Variants in PTPRC observed in about 807,000 individuals in gnomAD.
The protein encoded by PTPRC is receptor-type tyrosine-protein phosphatase C.
A neutral mutation model predicts 155.9 loss-of-function variants in PTPRC; 44 were observed. That is an observed-to-expected ratio of 0.28 (90% CI 0.22 to 0.36). The LOEUF is 0.36. Ranked by LOEUF, PTPRC falls within the 10% of genes least tolerant of loss-of-function variation. The pLI, the probability that PTPRC is intolerant of heterozygous loss-of-function variation, is 1.00. For synonymous variants in PTPRC, 525 were observed against 533.1 expected (o/e 0.98, Z 0.21); for missense variants, 1,401 against 1,564.6 (o/e 0.90, Z 1.76).
At chr1:198,713,717 T>C (rs897658089) in intron 12 of PTPRC, among the ~76,000 whole-genome samples, 1 of 152,230 alleles carries the variant, frequency 6.6e-6, no homozygotes, top group East Asian at 1.9e-4. Context: ...AAATTGTTTG[T>C]AGAAAGTAAC....
At position 198,732,301 on chromosome 1, in the gene PTPRC, G is replaced by A. The variant is rs955667806; in HGVS notation, c.1976G>A (p.Ser659Asn). ...CCAAGAAATCGTTGTTTCTTTCAGA[G>A]CATCCCGCGGGTGTTCAGCAAGTTT... ...EGRLFLAEFQSIPRVFSKFPI... is the reference protein window; with the variant it reads ...EGRLFLAEFQNIPRVFSKFPI... The change falls in exon 19 of 33, where the codon AGC becomes AAC. Residue 659 changes from serine to asparagine, a missense_variant and splice_region_variant. Physicochemically the swap from Ser to Asn is conservative, Grantham distance 46. Around this residue, in one of 3 missense-constraint regions of PTPRC, gnomAD observed 867 missense variants for 970.4 expected, o/e 0.89. Coordinates refer to ENST00000442510, the MANE Select transcript of PTPRC (RefSeq NM_002838.5). 2 of 1,611,276 alleles carry A rather than the reference G, an allele frequency of 1.2e-6. No homozygotes were observed. The highest frequency in any genetic ancestry group is 3.3e-5 in the Admixed American group (2 of 59,760).
chr1:198,707,552 A>T (rs1653050534), intron 9 of PTPRC, among the ~76,000 whole-genome samples: 2 of 152,154 alleles, frequency 1.3e-5, no homozygotes, highest in African/African-American at 4.8e-5. Context: ...TTAAAAAGTC[A>T]TATCATTTAA....
At position 198,696,693 on chromosome 1, in the gene PTPRC, A is replaced by AT. The variant is rs764105488; in HGVS notation, c.101-15dup. On this transcript the variant is annotated intron_variant, in intron 3 of 32. Coordinates refer to ENST00000442510, the MANE Select transcript of PTPRC (RefSeq NM_002838.5). ...CACATATTTATTTTGTCCTTCTCCC[A>AT]TTTTCCATTAATTAACAGGATTGAC... 58 of 1,603,222 alleles carry AT rather than the reference A, an allele frequency of 3.6e-5. No homozygotes were observed. The highest frequency in any genetic ancestry group is 4.5e-5 in the Non-Finnish European group (53 of 1,170,276).
At chr1:198,743,377 TA>T (rs1262329306) in intron 25 of PTPRC, among the ~76,000 whole-genome samples, 1 of 151,646 alleles carries the variant, frequency 6.6e-6, no homozygotes, top group Non-Finnish European at 1.5e-5. Context: ...TGTAGAAACA[TA>T]AAAACAAATT....
In PTPRC at chr1:198,740,068, C is replaced by A. The variant is rs760863818; in HGVS notation, c.2404-1801C>A. ...CAAATCCTGTGTGATACAGTGAAAGCAGTACTAAGAGAAAAGTTTGTAAGA... is the reference window on the plus strand; with the variant it reads ...CAAATCCTGTGTGATACAGTGAAAGAAGTACTAAGAGAAAAGTTTGTAAGA... On this transcript the variant is annotated intron_variant, in intron 23 of 32. Coordinates refer to ENST00000442510, the MANE Select transcript of PTPRC (RefSeq NM_002838.5). 1.3e-4 allele frequency among the ~76,000 whole-genome samples: 20 copies of A among 151,424 alleles called. 1 individual carries two copies. The highest frequency in any genetic ancestry group is 2.1e-4 in the Non-Finnish European group (14 of 67,776).
At chr1:198,718,396 A>G (rs1653707923) in intron 14 of PTPRC, 94 bp downstream of exon 14, 1 of 1,046,234 alleles carries the variant, frequency 9.6e-7, no homozygotes, top group East Asian at 2.6e-5. Flanking sequence ...TGCTCACATG[A>G]GATTGAGAAG....
chr1:198,676,681 C>T (rs1200782035), intron 2 of PTPRC, among the ~76,000 whole-genome samples: 1 of 152,116 alleles, frequency 6.6e-6, no homozygotes, highest in Non-Finnish European at 1.5e-5. Flanking sequence ...GTTGGCCACT[C>T]ATAAGCCTTG....
Position 198,755,930 on chromosome 1 carries a change from G to A in PTPRC, c.3670G>A (p.Val1224Ile), listed in dbSNP as rs150672767. ...TFEQYQFLYD[V>I]IASTYPAQNG... ...GGAGCAATATCAATTCCTATATGAC[G>A]TCATTGCCAGCACCTACCCTGCTCA... Residue 1224 changes from valine (V) to isoleucine (I), a missense_variant, in exon 33 of 33, where the codon GTC becomes ATC. This residue lies in a region of PTPRC where 400 missense variants were observed against 389.5 expected (regional missense o/e 1.03). Coordinates refer to ENST00000442510, the MANE Select transcript of PTPRC (RefSeq NM_002838.5). The A allele has an allele frequency of 1.5e-3, 2,404 of 1,611,676 alleles. 9 individuals carry two copies. The highest frequency in any genetic ancestry group is 5.3e-3 in the Middle Eastern group (32 of 6,050).
chr1:198,706,865 C>T lies in PTPRC; in HGVS notation c.817C>T (p.Leu273Phe), dbSNP rs1474445832. The part of the protein sequence containing the change: ...NTCTNNEVHN[L>F]TECKNASVSI... ...TTGCACAAACAATGAGGTGCATAAC[C>T]TTACAGAATGTAAAAATGCGTCTGT... The change falls in exon 9 of 33, where the codon CTT becomes TTT. Residue 273 changes from leucine (L) to phenylalanine (F), a missense_variant. This residue lies in a region of PTPRC where 867 missense variants were observed against 970.4 expected (regional missense o/e 0.89). Coordinates refer to ENST00000442510, the MANE Select transcript of PTPRC (RefSeq NM_002838.5). 1 of 1,613,402 alleles carries T rather than the reference C, an allele frequency of 6.2e-7. No homozygotes were observed. Among genetic ancestry groups the T allele is most frequent in the African/African-American group, 1.3e-5 (1 of 74,902 alleles).
In PTPRC at chr1:198,749,646, T is replaced by C. The variant is rs1227173290; in HGVS notation, c.3072+97T>C. The C allele has an allele frequency of 4.1e-6, 5 of 1,229,696 alleles. No individual in the cohort carries two copies. In the Admixed American group the frequency reaches 5.6e-5, roughly 14 times the overall value. 76.2% of individuals were successfully genotyped at this position (1,229,696 alleles called of 1,614,324 possible). A position where few individuals can be genotyped will look rare whatever the true frequency, so the allele number is the denominator to read the frequency against. On this transcript the variant is annotated intron_variant, in intron 28 of 32. Transcript: ENST00000442510. ...ATTAAGCGATTTTATAAAAGAATAA[T>C]GAGCTTGGTCATAACTACATATAGA...
intron 15 of PTPRC, among the ~76,000 whole-genome samples, chr1:198,726,372 T>A (rs1654133523): frequency 6.6e-6 from 1 of 152,158 alleles, no homozygotes; most frequent in Non-Finnish European, 1.5e-5. Context: ...AAGAACTTCT[T>A]CCCTAAAAAT....
intron 2 of PTPRC, among the ~76,000 whole-genome samples, chr1:198,687,830 C>T (rs909315190): frequency 6.6e-6 from 1 of 151,892 alleles, no homozygotes; most frequent in Admixed American, 6.6e-5. Context: ...TCCTTAGGGG[C>T]ATTGGCTTAA....
At chr1:198,732,189 T>C (rs1654421867) in intron 18 of PTPRC, 111 bp from the exon 19 acceptor site, 1 of 870,212 alleles carries the variant, frequency 1.1e-6, no homozygotes, top group Non-Finnish European at 1.9e-6. Context: ...TTTTTATCAA[T>C]ATGAAGAAAA....
chr1:198,668,656 T>C (rs763410662), intron 2 of PTPRC, among the ~76,000 whole-genome samples: 15 of 152,172 alleles, frequency 9.9e-5, no homozygotes, highest in Non-Finnish European at 2.1e-4. Flanking sequence ...TCTAATTACA[T>C]AGTTTATAGA....
chr1:198,737,016 T>A (rs533818634), intron 23 of PTPRC, among the ~76,000 whole-genome samples: 2 of 151,780 alleles, frequency 1.3e-5, no homozygotes, highest in Non-Finnish European at 2.9e-5. Context: ...TCAGATCTTT[T>A]GCCTATTTAA....
chr1:198,655,710 T>C (rs936403290), intron 2 of PTPRC, among the ~76,000 whole-genome samples: 1 of 152,142 alleles, frequency 6.6e-6, no homozygotes. Context: ...TGAGATGACC[T>C]GGGCATTGTA....
In PTPRC at chr1:198,742,038, G is replaced by GAAC. The variant is rs1654922820; in HGVS notation, c.2561+15_2561+17dup. 1.3e-6 allele frequency: 2 copies of GAAC among 1,571,032 alleles called. No homozygotes were observed. Among genetic ancestry groups the GAAC allele is most frequent in the African/African-American group, 2.9e-5 (2 of 68,396 alleles). ...GTGGTGCACTGCAGGTAGGAAAAAC[G>GAAC]AACAAAAAAAAAAAACAACAACAAA... On this transcript the variant is annotated intron_variant, in intron 24 of 32. Transcript: ENST00000442510.
At chr1:198,641,432 C>T (rs1220314533) in intron 2 of PTPRC, among the ~76,000 whole-genome samples, 1 of 151,862 alleles carries the variant, frequency 6.6e-6, no homozygotes. Context: ...GCTGTAAAGG[C>T]ATAAAGAAAT....
In PTPRC at chr1:198,665,080, A is replaced by T. The variant is rs4915152; in HGVS notation, c.73+25739A>T. Among the ~76,000 whole-genome samples, 148 of 59,578 alleles carry T rather than the reference A, an allele frequency of 2.5e-3. 11 individuals are homozygous for T. The highest frequency in any genetic ancestry group is 0.015 in the Middle Eastern group (1 of 68). 39.1% of individuals were successfully genotyped at this position (59,578 alleles called of 152,430 possible). A position where few individuals can be genotyped will look rare whatever the true frequency, so the allele number is the denominator to read the frequency against. ...AGTGTTTTTAGAACATCCCGGCAGC[A>T]TTTTTTTTTTTTTTTTTTTTTTTTT... is the stretch of plus-strand genomic sequence containing the variant. On this transcript the variant is annotated intron_variant, in intron 2 of 32. Transcript: ENST00000442510.
Sources: gnomAD v4.1 joint callset for allele counts (sites outside exome capture counted in the v4.1 genomes callset) on GRCh38, gnomAD v4.1.1 for gene constraint, gnomAD v4.1.1 regional missense constraint, MANE v1.5 for transcripts, NCBI Gene and HGNC (gene_info 2026-07-23, HGNC 2026-07-21) for gene names.